The following TENM4 variants were observed in gnomAD, a reference collection of about 807,000 sequenced individuals.
The protein encoded by TENM4 is teneurin transmembrane protein 4, also known as teneurin-4.
A neutral mutation model predicts 243.3 loss-of-function variants in TENM4; 82 were observed. That is an observed-to-expected ratio of 0.34 (90% CI 0.28 to 0.40). TENM4 has a LOEUF of 0.40. TENM4 is among the 10% of genes least tolerant of loss of function. The pLI, the probability that TENM4 is intolerant of heterozygous loss-of-function variation, is 1.00. For synonymous variants in TENM4, 1,412 were observed against 1,456.3 expected, an observed-to-expected ratio of 0.97 and a Z score of 0.69; for missense variants, 3,138 against 3,673.3, an observed-to-expected ratio of 0.85 and a Z score of 3.77.
intron 5 of TENM4, among the ~76,000 whole-genome samples, chr11:79,067,655 G>T (rs1049425408): frequency 6.7e-6 from 1 of 149,318 alleles, no homozygotes; most frequent in African/African-American, 2.5e-5. Flanking sequence ...AAAATGCAAG[G>T]TAAGGGCTCA....
chr11:79,426,748 T>C (rs1334203385), intron 1 of TENM4, among the ~76,000 whole-genome samples: 1 of 152,166 alleles, frequency 6.6e-6, no homozygotes. Context: ...CTAGGAAGGA[T>C]TGCCAGTAAA....
At chr11:79,420,792 C>T (rs1304251742) in intron 1 of TENM4, among the ~76,000 whole-genome samples, 1 of 152,078 alleles carries the variant, frequency 6.6e-6, no homozygotes, top group African/African-American at 2.4e-5. Flanking sequence ...ATATTTGAAA[C>T]CTAGTCCCTG....
At chr11:78,985,840 T>C (rs1857905583) in intron 6 of TENM4, among the ~76,000 whole-genome samples, 1 of 152,204 alleles carries the variant, frequency 6.6e-6, no homozygotes, top group Non-Finnish European at 1.5e-5. Flanking sequence ...ACCGAGCTAC[T>C]TCCTGCCATC....
Position 78,669,389 on chromosome 11 carries a change from T to G in TENM4, c.6956A>C (p.Asn2319Thr). 6.2e-7 allele frequency: 1 copy of G among 1,613,592 alleles called. No homozygotes were observed. The highest frequency in any genetic ancestry group is 8.5e-7 in the Non-Finnish European group (1 of 1,179,736). The change falls in exon 32 of 34, where the codon AAC becomes ACC. Residue 2319 changes from asparagine (N) to threonine (T), a missense_variant. By Grantham distance (65) the Asn-to-Thr change is moderately conservative. Coordinates refer to ENST00000278550, the MANE Select transcript of TENM4 (RefSeq NM_001098816.3). The surrounding 1 kb of genome is among the most constrained non-coding windows in gnomAD (Gnocchi z 6.4). ...GTACAGGTGGGTGACCTTGGTGGGG[T>G]TGGTCAGGTCTGCATAGAAGAACTG... The part of the protein sequence containing the change: ...HLQFFYADLT[N>T]PTKVTHLYNH...
rs1451696907 is a variant in TENM4, at chr11:79,274,030, G to T, written c.-265+23458C>A. Among the ~76,000 whole-genome samples the T allele has an allele frequency of 7.2e-5, 11 of 152,308 alleles. No homozygotes were observed. The East Asian group carries it at 1.7e-3, about 24-fold the overall frequency. ...CTGCAAGCTTCAGCACTCCTCCACG[G>T]CACCCCACTGTGCGAGGGGGAAATG... is the stretch of plus-strand genomic sequence containing the variant. On this transcript the variant is annotated intron_variant, in intron 2 of 33. Transcript: ENST00000278550.
chr11:78,940,752 G>C (rs998295807), intron 6 of TENM4, among the ~76,000 whole-genome samples: 1 of 152,196 alleles, frequency 6.6e-6, no homozygotes, highest in Non-Finnish European at 1.5e-5. Flanking sequence ...TCACCCTGGG[G>C]ATGCCATGGT....
chr11:78,957,984 GA>G (rs113686097), intron 6 of TENM4, among the ~76,000 whole-genome samples: 35 of 150,616 alleles, frequency 2.3e-4, no homozygotes, highest in African/African-American at 7.1e-4. Context: ...ACAACAGAAG[GA>G]AAAAAAAATG....
chr11:79,114,885 G>A (rs1861586312), intron 4 of TENM4, among the ~76,000 whole-genome samples: 1 of 152,076 alleles, frequency 6.6e-6, no homozygotes, highest in South Asian at 2.1e-4. Context: ...GAGAATAAGG[G>A]GTATTCAGTC....
intron 1 of TENM4, among the ~76,000 whole-genome samples, chr11:79,347,293 ACTGGT>A (rs1857341394): frequency 6.6e-6 from 1 of 152,058 alleles, no homozygotes; most frequent in Non-Finnish European, 1.5e-5. Flanking sequence ...GTGCCTTTAC[ACTGGT>A]CCTGTAGGGA....
intron 6 of TENM4, among the ~76,000 whole-genome samples, chr11:78,976,770 C>T (rs1400935423): frequency 2.0e-5 from 3 of 152,152 alleles, no homozygotes; most frequent in African/African-American, 7.2e-5. Context: ...CTTCAGGCAG[C>T]TTTAGGTCCA....
chr11:79,138,889 AAT>A (rs1399331946), intron 4 of TENM4, among the ~76,000 whole-genome samples: 1 of 116,650 alleles, frequency 8.6e-6, no homozygotes, highest in African/African-American at 3.5e-5. Context: ...AAATATATAA[AAT>A]ATATATTATA....
chr11:79,063,556 G>T (rs1215891748), intron 6 of TENM4, among the ~76,000 whole-genome samples: 1 of 152,148 alleles, frequency 6.6e-6, no homozygotes, highest in Non-Finnish European at 1.5e-5. Context: ...TTCCTTTGCT[G>T]CCAGAACCCA....
At chr11:79,187,050 G>A (rs1385386927) in intron 3 of TENM4, among the ~76,000 whole-genome samples, 1 of 152,244 alleles carries the variant, frequency 6.6e-6, no homozygotes, top group African/African-American at 2.4e-5. Flanking sequence ...TAGCCCCATT[G>A]CCCAACCCCT....
intron 12 of TENM4, among the ~76,000 whole-genome samples, chr11:78,839,029 T>G (rs934266344): frequency 4.6e-5 from 7 of 152,210 alleles, no homozygotes; most frequent in Non-Finnish European, 1.0e-4. Context: ...TGGTAATATT[T>G]GTAGTACTTC....
intron 12 of TENM4, among the ~76,000 whole-genome samples, chr11:78,819,623 A>G (rs1286908696): frequency 1.3e-5 from 2 of 152,164 alleles, no homozygotes; most frequent in Non-Finnish European, 2.9e-5. Flanking sequence ...GGACTCCAGC[A>G]TCAAAGACAG....
At chr11:79,392,844 C>T (rs953303098) in intron 1 of TENM4, among the ~76,000 whole-genome samples, 2 of 152,168 alleles carry the variant, frequency 1.3e-5, no homozygotes, top group Non-Finnish European at 2.9e-5. Flanking sequence ...CCTTTCTCTC[C>T]GTTTGACCAA....
intron 27 of TENM4, among the ~76,000 whole-genome samples, chr11:78,707,502 A>G (rs1859286923): frequency 6.6e-6 from 1 of 152,230 alleles, no homozygotes; most frequent in African/African-American, 2.4e-5. Flanking sequence ...TTCTTGTTTT[A>G]ACTGCGGCCA....
chr11:78,893,799 A>ACACACACACACACACACACT (rs745800849), intron 7 of TENM4, among the ~76,000 whole-genome samples: 2 of 148,616 alleles, frequency 1.3e-5, no homozygotes, highest in Non-Finnish European at 3.0e-5. Context: ...ACACACACAC[A>ACACACACACACACACACACT]CTCCTCTCTT....
At chr11:79,341,748 G>A (rs993633720) in intron 1 of TENM4, among the ~76,000 whole-genome samples, 4 of 152,132 alleles carry the variant, frequency 2.6e-5, no homozygotes, top group African/African-American at 4.8e-5. Context: ...GTCTGCCCTT[G>A]GAAACTAGAA....
Sources: gnomAD v4.1 joint callset for allele counts (sites outside exome capture counted in the v4.1 genomes callset) on GRCh38, gnomAD v4.1.1 for gene constraint, Gnocchi (gnomAD v3.1) non-coding constraint, MANE v1.5 for transcripts, NCBI Gene and HGNC (gene_info 2026-07-23, HGNC 2026-07-21) for gene names.